The following EEPD1 variants were observed in gnomAD, a reference collection of about 807,000 sequenced individuals.
EEPD1 encodes endonuclease/exonuclease/phosphatase family domain-containing protein 1.
In EEPD1, 17 loss-of-function variants were observed where a neutral mutation model predicts 46.3. That is an observed-to-expected ratio of 0.37 (90% CI 0.25 to 0.55). EEPD1 has a LOEUF of 0.55. EEPD1 is among the 20% of genes least tolerant of loss of function. EEPD1 has a pLI of 0.83. For synonymous variants in EEPD1, 313 were observed against 315.6 expected (o/e 0.99, Z 0.09); for missense variants, 673 against 745.6 (o/e 0.90, Z 1.13).
chr7:36,239,953 A>C (rs1264965174), intron 3 of EEPD1, among the ~76,000 whole-genome samples: 2 of 152,222 alleles, frequency 1.3e-5, no homozygotes, highest in Non-Finnish European at 2.9e-5. Flanking sequence ...CAAGCACTTG[A>C]ACTATATTCG....
intron 2 of EEPD1, among the ~76,000 whole-genome samples, chr7:36,212,932 C>T (rs57060990): frequency 0.096 from 14,567 of 152,140 alleles, 916 homozygotes; most frequent in East Asian, 0.31. Context: ...GCAGGCAGAT[C>T]GCCTGAGGTT....
chr7:36,255,976 C>A (rs1009132515), intron 3 of EEPD1, among the ~76,000 whole-genome samples: 2 of 152,164 alleles, frequency 1.3e-5, no homozygotes, highest in Admixed American at 1.3e-4. Context: ...CTATAAATTT[C>A]CCTCTAAACA....
At chr7:36,262,295 G>A (rs1160592115) in intron 3 of EEPD1, among the ~76,000 whole-genome samples, 1 of 152,114 alleles carries the variant, frequency 6.6e-6, no homozygotes, top group African/African-American at 2.4e-5. Context: ...GGGCAATGTA[G>A]TGTTAGTAAT....
intron 3 of EEPD1, 61 bp from the exon 4 acceptor site, chr7:36,281,054 C>A: frequency 6.8e-7 from 1 of 1,474,438 alleles, no homozygotes. Flanking sequence ...CTCAGGCCGC[C>A]GCCAGCCGGG....
chr7:36,215,410 C>T (rs1406181338), intron 2 of EEPD1, among the ~76,000 whole-genome samples: 1 of 152,206 alleles, frequency 6.6e-6, no homozygotes, highest in Admixed American at 6.5e-5. Flanking sequence ...CATCCAGCAG[C>T]AGATGTTAAT....
intron 3 of EEPD1, among the ~76,000 whole-genome samples, chr7:36,247,995 C>T (rs1786667211): frequency 6.6e-6 from 1 of 152,014 alleles, no homozygotes; most frequent in Non-Finnish European, 1.5e-5. Flanking sequence ...TTCTGGGTTC[C>T]AGATGTGGAC....
intron 2 of EEPD1, among the ~76,000 whole-genome samples, chr7:36,203,060 G>T (rs1785743246): frequency 6.6e-6 from 1 of 152,194 alleles, no homozygotes; most frequent in Non-Finnish European, 1.5e-5. Context: ...ACATGTCAGG[G>T]ATAAGTGTTG....
chr7:36,163,940 T>C (rs931414570), intron 2 of EEPD1, among the ~76,000 whole-genome samples: 1 of 152,142 alleles, frequency 6.6e-6, no homozygotes, highest in Admixed American at 6.5e-5. Flanking sequence ...GTAGTTGTAT[T>C]TCATTCATCA....
intron 3 of EEPD1, among the ~76,000 whole-genome samples, chr7:36,257,010 G>T (rs1277127263): frequency 6.6e-6 from 1 of 152,098 alleles, no homozygotes; most frequent in Non-Finnish European, 1.5e-5. Flanking sequence ...TGTAAGGCAG[G>T]CCTGGTGGTG....
At chr7:36,241,846 C>G (rs1022872867) in intron 3 of EEPD1, among the ~76,000 whole-genome samples, 1 of 152,056 alleles carries the variant, frequency 6.6e-6, no homozygotes, top group African/African-American at 2.4e-5. Flanking sequence ...CCAGTCTGGG[C>G]GAGAGAGTAG....
intron 7 of EEPD1, among the ~76,000 whole-genome samples, chr7:36,297,438 A>C (rs1345323387): frequency 6.6e-6 from 1 of 152,214 alleles, no homozygotes; most frequent in Non-Finnish European, 1.5e-5. Flanking sequence ...TTTTATTCAA[A>C]TATACCTCCT....
chr7:36,159,498 C>G (rs901596530), intron 2 of EEPD1, among the ~76,000 whole-genome samples: 3 of 152,306 alleles, frequency 2.0e-5, no homozygotes, highest in Non-Finnish European at 1.5e-5. Context: ...TAAATAGCAT[C>G]TGTGTGGCCT....
At chr7:36,206,138 C>A (rs564648748) in intron 2 of EEPD1, among the ~76,000 whole-genome samples, 24 of 152,248 alleles carry the variant, frequency 1.6e-4, no homozygotes, top group Non-Finnish European at 3.4e-4. Context: ...AGGGCTAAAT[C>A]CCTGACCAGA....
chr7:36,236,450 GGCCAC>G (rs1786443348), intron 2 of EEPD1, among the ~76,000 whole-genome samples: 1 of 152,230 alleles, frequency 6.6e-6, no homozygotes, highest in Non-Finnish European at 1.5e-5. Flanking sequence ...CGGGATTGTT[GGCCAC>G]GACAGCCGGT....
intron 2 of EEPD1, among the ~76,000 whole-genome samples, chr7:36,207,493 G>A (rs1785842926): frequency 1.3e-5 from 2 of 152,172 alleles, no homozygotes; most frequent in South Asian, 2.1e-4. Flanking sequence ...ATCCTACCAC[G>A]TGTTCACAGG....
chr7:36,190,182 A>G (rs1445388358), intron 2 of EEPD1, among the ~76,000 whole-genome samples: 2 of 152,188 alleles, frequency 1.3e-5, no homozygotes, highest in Admixed American at 6.5e-5. Context: ...GACCTGCCTG[A>G]GCAACATAGT....
At chr7:36,285,828 C>T (rs542070872) in intron 5 of EEPD1, among the ~76,000 whole-genome samples, 85 of 152,332 alleles carry the variant, frequency 5.6e-4, no homozygotes, top group Admixed American at 9.1e-4. Flanking sequence ...CTACAAGGCC[C>T]TGTGCCACCT....
chr7:36,219,608 G>A lies in EEPD1; in HGVS notation c.879-19377G>A, dbSNP rs145380563. ...AGAAAAGAAGAAGAAGGAGGAAGAG[G>A]AAGGAAGGAAAGAAGGAAAGAAGGA... On this transcript the variant is annotated intron_variant, in intron 2 of 7. Transcript: ENST00000242108. Among the ~76,000 whole-genome samples, 37 of 147,954 alleles carry A rather than the reference G, an allele frequency of 2.5e-4. No individual in the cohort carries two copies. In the East Asian group the frequency reaches 7.2e-3, roughly 29 times the overall value.
At chr7:36,173,854 G>A (rs1191090704) in intron 2 of EEPD1, among the ~76,000 whole-genome samples, 1 of 152,110 alleles carries the variant, frequency 6.6e-6, no homozygotes, top group African/African-American at 2.4e-5. Context: ...CACATGGTGG[G>A]CAGCAGAGTC....
Sources: allele counts gnomAD v4.1 joint callset (sites outside exome capture counted in the v4.1 genomes callset), GRCh38; gene constraint gnomAD v4.1.1; transcripts MANE v1.5; gene names NCBI Gene and HGNC (gene_info 2026-07-23, HGNC 2026-07-21).